CEP152: variants seen among roughly 807,000 people sequenced by gnomAD.
CEP152 encodes the protein centrosomal protein of 152 kDa.
A neutral mutation model predicts 188.9 loss-of-function variants in CEP152; 132 were observed. That is an observed-to-expected ratio of 0.70 (90% CI 0.61 to 0.81). CEP152 has a LOEUF of 0.81. Ranked by LOEUF, CEP152 falls within the 30% of genes least tolerant of loss-of-function variation. The pLI is 0.00. For missense variants in CEP152, 1,914 were observed against 1,969.8 expected (o/e 0.97, Z 0.54); for synonymous variants, 649 against 666.6 (o/e 0.97, Z 0.41).
At chr15:48,794,099 C>T (rs1253342279) in intron 6 of CEP152, among the ~76,000 whole-genome samples, 1 of 152,050 alleles carries the variant, frequency 6.6e-6, no homozygotes, top group East Asian at 1.9e-4. Flanking sequence ...ACTATGTTCA[C>T]TATTTGGGTG....
intron 7 of CEP152, among the ~76,000 whole-genome samples, chr15:48,792,453 AG>A (rs1897047005): frequency 6.6e-6 from 1 of 152,252 alleles, no homozygotes; most frequent in African/African-American, 2.4e-5. Context: ...CAATCACAAA[AG>A]TATTCTGCAA....
intron 1 of CEP152, among the ~76,000 whole-genome samples, chr15:48,809,008 C>T (rs1595713344): frequency 1.3e-5 from 2 of 152,286 alleles, no homozygotes; most frequent in East Asian, 3.9e-4. Flanking sequence ...CTTGTTGTTA[C>T]ACTCAGATGG....
intron 21 of CEP152, among the ~76,000 whole-genome samples, chr15:48,751,987 C>A (rs1893907123): frequency 6.6e-6 from 1 of 152,074 alleles, no homozygotes. Context: ...GAAAGATTTC[C>A]ATTAAAAAGT....
In CEP152 at chr15:48,762,566, T is replaced by G; in HGVS notation, c.2387A>C (p.Asp796Ala). 1 of 1,614,096 alleles carries G rather than the reference T, an allele frequency of 6.2e-7. No individual in the cohort carries two copies. Among genetic ancestry groups the G allele is most frequent in the Non-Finnish European group, 8.5e-7 (1 of 1,179,992 alleles). Residue 796 changes from aspartate to alanine, a missense_variant, in exon 18 of 27, where the codon GAC becomes GCC. Transcript: ENST00000380950. ...AATAACATCACTGGTGGTTACTTGG[T>G]CAGTTTGGCTGCCACAATCTAAGGT... Reference protein sequence around the residue: ...KKTLDCGSQTDQVTTSDVISK... With the variant: ...KKTLDCGSQTAQVTTSDVISK...
At chr15:48,783,777 A>ATG (rs762239969) in intron 10 of CEP152, 196 bp downstream of exon 10, 6 of 172,926 alleles carry the variant, frequency 3.5e-5, no homozygotes, top group Non-Finnish European at 7.0e-5. Flanking sequence ...GTGTGTATGT[A>ATG]TATATATATA....
In CEP152 at chr15:48,762,672, T is replaced by A; in HGVS notation, c.2281A>T (p.Ile761Phe). The A allele has an allele frequency of 1.2e-6, 2 of 1,613,300 alleles. No individual in the cohort carries two copies. Among genetic ancestry groups the A allele is most frequent in the Non-Finnish European group, 1.7e-6 (2 of 1,179,906 alleles). ...TEKEQQTQEK[I>F]KEKLIQQLEK... ...AGCTGTTGAATGAGTTTTTCTTTGA[T>A]CTGTTTTCAGAAGAAAAATCATACG... Residue 761 changes from isoleucine (I) to phenylalanine (F), a missense_variant and splice_region_variant, in exon 18 of 27, where the codon ATC (isoleucine) becomes TTC (phenylalanine). Physicochemically the swap from Ile to Phe is conservative, Grantham distance 21. Coordinates refer to ENST00000380950, the MANE Select transcript of CEP152 (RefSeq NM_001194998.2).
At chr15:48,786,223 C>T (rs1348468539) in intron 9 of CEP152, among the ~76,000 whole-genome samples, 1 of 152,072 alleles carries the variant, frequency 6.6e-6, no homozygotes, top group Non-Finnish European at 1.5e-5. Context: ...CTTAACATGA[C>T]ACTTCCATGA....
At chr15:48,781,761 C>T (rs1896257191) in intron 11 of CEP152, among the ~76,000 whole-genome samples, 1 of 152,162 alleles carries the variant, frequency 6.6e-6, no homozygotes, top group Non-Finnish European at 1.5e-5. Flanking sequence ...TGGAACTCTT[C>T]TCCCATATTT....
At chr15:48,748,192 G>T (rs575811219) in intron 22 of CEP152, among the ~76,000 whole-genome samples, 1 of 152,234 alleles carries the variant, frequency 6.6e-6, no homozygotes, top group South Asian at 2.1e-4. Context: ...AAGCCTGCTT[G>T]ACGTATACTG....
intron 2 of CEP152, among the ~76,000 whole-genome samples, chr15:48,800,646 C>T (rs189567940): frequency 1.0e-3 from 153 of 152,052 alleles, no homozygotes; most frequent in Admixed American, 3.3e-3. Context: ...GATTTAATAC[C>T]ACTCATTAAT....
At chr15:48,805,497 C>G (rs990080634) in intron 2 of CEP152, 66 bp downstream of exon 2, 4 of 1,527,892 alleles carry the variant, frequency 2.6e-6, no homozygotes, top group Non-Finnish European at 3.5e-6. Context: ...CAATTTTGAT[C>G]AAGAAATAAA....
Position 48,798,261 on chromosome 15 carries a change from CT to C in CEP152, c.88-211del, listed in dbSNP as rs71120641. On this transcript the variant is annotated intron_variant, in intron 2 of 26. Coordinates refer to ENST00000380950, the MANE Select transcript of CEP152 (RefSeq NM_001194998.2). The stretch of plus-strand genomic sequence containing the variant: ...TAATTTTAGGATTTATATCAGAAGG[CT>C]TTTTTTTTTTTTAACGAAGATCTCA... 0.26 allele frequency among the ~76,000 whole-genome samples: 37,269 copies of C among 145,064 alleles called. 4,902 individuals carry two copies. The highest frequency in any genetic ancestry group is 0.31 in the Non-Finnish European group (20,606 of 65,906).
intron 7 of CEP152, among the ~76,000 whole-genome samples, chr15:48,791,671 C>T (rs1896995863): frequency 6.6e-6 from 1 of 151,992 alleles, no homozygotes; most frequent in African/African-American, 2.4e-5. Context: ...CACCTGCCAC[C>T]ACTCCCAGAT....
At chr15:48,730,948 G>T (rs774224577) in intron 2 of CEP152, among the ~76,000 whole-genome samples, 10 of 152,116 alleles carry the variant, frequency 6.6e-5, no homozygotes, top group Non-Finnish European at 1.5e-4. Context: ...AATTTATAGC[G>T]TATGTAAAGA....
chr15:48,795,775 C>A (rs1159974783), intron 6 of CEP152, among the ~76,000 whole-genome samples: 1 of 152,124 alleles, frequency 6.6e-6, no homozygotes, highest in Non-Finnish European at 1.5e-5. Flanking sequence ...ATATTCCCAC[C>A]CAACATTACC....
chr15:48,762,212 AG>A (rs913537226), intron 18 of CEP152, among the ~76,000 whole-genome samples, 178 bp downstream of exon 18: 2 of 152,202 alleles, frequency 1.3e-5, no homozygotes, highest in African/African-American at 4.8e-5. Context: ...GAGGGGTGGC[AG>A]CTTTATGACA....
At chr15:48,788,393 G>C (rs1156732146) in intron 9 of CEP152, among the ~76,000 whole-genome samples, 1 of 147,742 alleles carries the variant, frequency 6.8e-6, no homozygotes, top group African/African-American at 2.5e-5. Flanking sequence ...GAGTGCAGTG[G>C]TGCGATCTCA....
rs768152436 is a variant in CEP152 at position 48,738,393 on chromosome 15, C to T, written c.4989G>A (p.Lys1663=). ...SVNCGHPSRH[K]ADRLKSDFKK... ...TGAAATCTGACTTTAATCTATCAGC[C>T]TTATGACGAGATGGGTGTCCACAAT... is the stretch of plus-strand genomic sequence containing the variant. The change falls in exon 27 of 27, where the codon AAG becomes AAA. Residue 1663 remains lysine, a synonymous_variant. Transcript: ENST00000380950. The T allele has an allele frequency of 1.2e-6, 2 of 1,614,150 alleles. No homozygotes were observed. Among genetic ancestry groups the T allele is most frequent in the African/African-American group, 1.3e-5 (1 of 75,048 alleles).
intron 18 of CEP152, among the ~76,000 whole-genome samples, chr15:48,760,640 C>T (rs1280670790): frequency 6.6e-6 from 1 of 152,084 alleles, no homozygotes; most frequent in Non-Finnish European, 1.5e-5. Flanking sequence ...CACCCACCAC[C>T]TTCCTGACTC....
Sources: gnomAD v4.1 joint callset for allele counts (sites outside exome capture counted in the v4.1 genomes callset) on GRCh38, gnomAD v4.1.1 for gene constraint, MANE v1.5 for transcripts, NCBI Gene and HGNC (gene_info 2026-07-23, HGNC 2026-07-21) for gene names.